WDR26: variants seen among roughly 807,000 people sequenced by gnomAD.
WDR26 encodes WD repeat-containing protein 26.
Under a neutral mutation model 84.1 loss-of-function variants are expected in WDR26, and 5 were observed. That is an observed-to-expected ratio of 0.06 (90% CI 0.03 to 0.13). WDR26 has a LOEUF of 0.13. Among genes scored for constraint, WDR26 ranks in the 10% least tolerant of loss-of-function variants. The probability of loss-of-function intolerance (pLI) is 1.00; values close to 1 mark genes in which losing one functional copy is unlikely to be tolerated. For synonymous variants in WDR26, 415 were observed against 389.6 expected (o/e 1.07, Z -0.77); for missense variants, 642 against 974.9 (o/e 0.66, Z 4.55).
At chr1:224,396,862 T>C (rs559838929) in intron 12 of WDR26, among the ~76,000 whole-genome samples, 4 of 151,262 alleles carry the variant, frequency 2.6e-5, no homozygotes, top group African/African-American at 7.3e-5. Flanking sequence ...GAGGTGGAGG[T>C]TGCATCAAGA....
At chr1:224,417,472 A>C (rs1423734760) in intron 6 of WDR26, among the ~76,000 whole-genome samples, 2 of 152,238 alleles carry the variant, frequency 1.3e-5, no homozygotes, top group African/African-American at 4.8e-5. Flanking sequence ...TGGGAGGCCA[A>C]GGCAGAAGTA....
rs769063024 is a variant in WDR26 at position 224,427,103 on chromosome 1, C to CAAAAAAAAAA, written c.928-2450_928-2449insTTTTTTTTTT. ...GGGCAACGAGAGCAAAACTCTGTCT[C>CAAAAAAAAAA]CAAAAAAAAAAAAAAAAAAAAAAAG... is the stretch of plus-strand genomic sequence containing the variant. On this transcript the variant is annotated intron_variant, in intron 3 of 13. Coordinates refer to ENST00000414423, the MANE Select transcript of WDR26 (RefSeq NM_001379403.1). 7.9e-3 allele frequency among the ~76,000 whole-genome samples: 717 copies of CAAAAAAAAAA among 90,950 alleles called. 60 individuals are homozygous for CAAAAAAAAAA. Among genetic ancestry groups the CAAAAAAAAAA allele is most frequent in the African/African-American group, 8.6e-3 (198 of 23,096 alleles). The allele number at this position is 90,950 out of a possible 152,430, so 59.7% of individuals were successfully genotyped here. A position where few individuals can be genotyped will look rare whatever the true frequency, so the allele number is the denominator to read the frequency against.
rs762609201 is a variant in WDR26 at position 224,431,494 on chromosome 1, ACGTTT to A, written c.905_909del (p.Gln302LeufsTer36). On this transcript the variant is annotated frameshift_variant, in exon 3 of 14. Coordinates refer to ENST00000414423, the MANE Select transcript of WDR26 (RefSeq NM_001379403.1). LOFTEE classifies it high-confidence loss of function. The stretch of plus-strand genomic sequence containing the variant: ...GTATTTACCACAATTATTCCCAACA[ACGTTT>A]GAGAGATTTCAAGTGCGCCTCTTAC... 1.6e-5 allele frequency: 26 copies of A among 1,613,952 alleles called. No individual in the cohort carries two copies. The South Asian group carries it at 2.9e-4, about 18-fold the overall frequency.
intron 6 of WDR26, among the ~76,000 whole-genome samples, chr1:224,411,795 G>A (rs536248331): frequency 1.3e-5 from 2 of 151,324 alleles, no homozygotes; most frequent in African/African-American, 4.9e-5. Flanking sequence ...AGCCCTGACC[G>A]CCTGGGGTCA....
chr1:224,398,451 A>ATT, intron 11 of WDR26, 64 bp downstream of exon 11: 1 of 1,416,944 alleles, frequency 7.1e-7, no homozygotes, highest in Admixed American at 2.2e-5. Flanking sequence ...TACACTGAAA[A>ATT]TAACAGTTAA....
chr1:224,401,155 T>A, intron 8 of WDR26, 86 bp from the exon 9 acceptor site: 1 of 1,362,934 alleles, frequency 7.3e-7, no homozygotes, highest in Non-Finnish European at 1.0e-6. Context: ...CTGGGATGTC[T>A]GGCTGGTTTC....
At chr1:224,430,450 T>C (rs1674359557) in intron 3 of WDR26, 2 of 152,180 alleles carry the variant, frequency 1.3e-5, no homozygotes, top group South Asian at 4.1e-4. Flanking sequence ...TCTAGGATTA[T>C]ATTATTGTGT....
At chr1:224,390,493 TA>T (rs1259762590) in intron 13 of WDR26, among the ~76,000 whole-genome samples, 2 of 152,330 alleles carry the variant, frequency 1.3e-5, no homozygotes, top group African/African-American at 2.4e-5. Flanking sequence ...ATAGCTACAA[TA>T]GTAAAGAGGA....
chr1:224,406,562 T>C (rs913423661), intron 7 of WDR26, among the ~76,000 whole-genome samples: 6 of 152,256 alleles, frequency 3.9e-5, no homozygotes, highest in Admixed American at 2.6e-4. Flanking sequence ...TTATCATTCA[T>C]ACAATTATCT....
At chr1:224,407,151 A>AAAAAAAATATATATATATATAT in intron 7 of WDR26, among the ~76,000 whole-genome samples, 7 of 11,870 alleles carry the variant, frequency 5.9e-4, no homozygotes, top group East Asian at 2.1e-3. Flanking sequence ...AAAAAAAAAA[A>AAAAAAAATATATATATATATAT]ATATATATAT....
intron 3 of WDR26, chr1:224,429,758 C>T (rs755304107): frequency 3.3e-5 from 5 of 152,134 alleles, no homozygotes; most frequent in Non-Finnish European, 7.4e-5. Context: ...AAGGATTCCT[C>T]CTTATTATCT....
At chr1:224,429,183 A>C (rs1572216261) in intron 3 of WDR26, 1 of 149,296 alleles carries the variant, frequency 6.7e-6, no homozygotes, top group African/African-American at 2.5e-5. Context: ...AATCGCTTGA[A>C]CCTGGGAGGC....
Position 224,433,918 on chromosome 1 carries a change from G to A in WDR26, c.488C>T (p.Ala163Val), listed in dbSNP as rs1408107446. Residue 163 changes from alanine to valine, a missense_variant, in exon 1 of 14, where the codon GCC (alanine) becomes GTC (valine). Around this residue, in one of 2 missense-constraint regions of WDR26, gnomAD observed 291 missense variants for 302.1 expected, o/e 0.96. Coordinates refer to ENST00000414423, the MANE Select transcript of WDR26 (RefSeq NM_001379403.1). ...GCTATTGTTGCTGGCGGCGGAGGGG[G>A]CGGAAGGCAGGAGCCCATTGGCGTG... 9.1e-6 allele frequency: 14 copies of A among 1,536,366 alleles called. No individual in the cohort carries two copies. The highest frequency in any genetic ancestry group is 1.2e-5 in the South Asian group (1 of 84,044).
At chr1:224,401,203 C>A in intron 8 of WDR26, 134 bp from the exon 9 acceptor site, 2 of 846,810 alleles carry the variant, frequency 2.4e-6, no homozygotes, top group South Asian at 1.9e-5. Flanking sequence ...TTAAGTGACC[C>A]TACAAAAAAG....
chr1:224,399,236 A>C (rs1673344588), intron 9 of WDR26, among the ~76,000 whole-genome samples: 1 of 152,136 alleles, frequency 6.6e-6, no homozygotes, highest in African/African-American at 2.4e-5. Context: ...ACCATACTTA[A>C]GGGAAAGCAG....
intron 3 of WDR26, chr1:224,430,276 ATAAGT>A (rs1367531244): frequency 9.2e-5 from 14 of 152,152 alleles, no homozygotes; most frequent in Admixed American, 2.6e-4. Context: ...GAATTATTTT[ATAAGT>A]TAACTTATTA....
intron 12 of WDR26, chr1:224,397,598 T>A (rs559260140): frequency 6.6e-6 from 1 of 152,466 alleles, no homozygotes; most frequent in Admixed American, 6.5e-5. Context: ...ATCTTAAGAA[T>A]TATCAAACTC....
intron 13 of WDR26, 35 bp from the exon 14 acceptor site, chr1:224,389,895 G>A: frequency 3.8e-6 from 5 of 1,326,602 alleles, no homozygotes; most frequent in Non-Finnish European, 5.1e-6. Context: ...ATGGGGGGCG[G>A]GCGGGGGAGG....
At chr1:224,397,952 A>G in intron 12 of WDR26, 145 bp downstream of exon 12, 2 of 964,242 alleles carry the variant, frequency 2.1e-6, no homozygotes, top group Non-Finnish European at 3.0e-6. Flanking sequence ...TTAGGTCATT[A>G]CAGAGAGAAA....
Sources: allele counts gnomAD v4.1 joint callset (sites outside exome capture counted in the v4.1 genomes callset), GRCh38; gene constraint gnomAD v4.1.1; regional missense constraint gnomAD v4.1.1; transcripts MANE v1.5; gene names NCBI Gene and HGNC (gene_info 2026-07-23, HGNC 2026-07-21).